BTRC: variants seen among roughly 807,000 people sequenced by gnomAD.
BTRC encodes beta-transducin repeat containing E3 ubiquitin protein ligase.
Under a neutral mutation model 85.5 loss-of-function variants are expected in BTRC, and 42 were observed. The observed-to-expected ratio is 0.49, with a 90% CI of 0.38 to 0.64. The LOEUF is 0.64. Ranked by LOEUF, BTRC falls within the 30% of genes least tolerant of loss-of-function variation. The pLI is 0.00. For missense variants in BTRC, 594 were observed against 743.5 expected (o/e 0.80, Z 2.34); for synonymous variants, 255 against 263.3 (o/e 0.97, Z 0.30).
chr10:101,461,048 AC>A (rs1307319561), intron 2 of BTRC, among the ~76,000 whole-genome samples: 1 of 151,784 alleles, frequency 6.6e-6, no homozygotes, highest in Admixed American at 6.6e-5. Context: ...GATTACAGGC[AC>A]CCACCACCAC....
intron 1 of BTRC, among the ~76,000 whole-genome samples, chr10:101,393,092 G>A (rs570033465): frequency 1.2e-4 from 19 of 152,124 alleles, no homozygotes; most frequent in African/African-American, 4.6e-4. Flanking sequence ...TCATACCCTC[G>A]TGGGAGGAAG....
intron 1 of BTRC, among the ~76,000 whole-genome samples, chr10:101,412,404 C>T (rs941143759): frequency 1.3e-4 from 20 of 152,072 alleles, no homozygotes; most frequent in Admixed American, 6.5e-5. Context: ...ATTTGTTTCC[C>T]GTCATTCAGG....
At chr10:101,451,750 G>T (rs1015272866) in intron 2 of BTRC, among the ~76,000 whole-genome samples, 2 of 152,070 alleles carry the variant, frequency 1.3e-5, no homozygotes, top group African/African-American at 4.8e-5. Flanking sequence ...CAGTGTCATC[G>T]TGCCTTTAAA....
At chr10:101,409,289 C>G (rs1943712522) in intron 1 of BTRC, among the ~76,000 whole-genome samples, 1 of 152,186 alleles carries the variant, frequency 6.6e-6, no homozygotes, top group African/African-American at 2.4e-5. Context: ...ATGAATTTAT[C>G]TATTCTGGAC....
intron 1 of BTRC, among the ~76,000 whole-genome samples, chr10:101,405,161 C>T (rs558760106): frequency 5.1e-4 from 77 of 152,132 alleles, no homozygotes; most frequent in African/African-American, 1.8e-3. Context: ...TTCCCTGGGG[C>T]CGCCTTTTTC....
chr10:101,379,442 A>C (rs934977221), intron 1 of BTRC, among the ~76,000 whole-genome samples: 1 of 152,156 alleles, frequency 6.6e-6, no homozygotes, highest in African/African-American at 2.4e-5. Flanking sequence ...TCTCATTTAG[A>C]CCTGTTCTTT....
chr10:101,532,797 T>TGCAC (rs1554895743), intron 8 of BTRC, among the ~76,000 whole-genome samples, 155 bp from the exon 9 acceptor site: 33 of 141,284 alleles, frequency 2.3e-4, no homozygotes, highest in South Asian at 4.4e-4. Flanking sequence ...TGTGCGCGTG[T>TGCAC]GCGCGCGCGC....
intron 1 of BTRC, 99 bp downstream of exon 1, chr10:101,354,327 C>G (rs1394684244): frequency 1.5e-6 from 2 of 1,341,628 alleles, no homozygotes; most frequent in Non-Finnish European, 2.0e-6. Flanking sequence ...GCAGCGGGAC[C>G]CTGGGCCGAG....
intron 4 of BTRC, among the ~76,000 whole-genome samples, chr10:101,494,549 A>G (rs1409509420): frequency 1.3e-5 from 2 of 152,194 alleles, no homozygotes; most frequent in Admixed American, 1.3e-4. Flanking sequence ...CTTCCCTAAA[A>G]TGAATTTACT....
intron 4 of BTRC, among the ~76,000 whole-genome samples, chr10:101,503,541 A>G (rs1946445574): frequency 1.3e-5 from 2 of 152,234 alleles, no homozygotes; most frequent in Non-Finnish European, 2.9e-5. Context: ...AAAGTATTCC[A>G]GAGAGAAATG....
chr10:101,388,601 C>T lies in BTRC; in HGVS notation c.48+34373C>T, dbSNP rs186515332. On this transcript the variant is annotated intron_variant, in intron 1 of 14. Transcript: ENST00000370187. ...ACCTCCTGGGTTCAAGTGATCCTCCCACCTCAGCTTCCCAAGTAGCTGGGA... is the reference window on the plus strand; with the variant it reads ...ACCTCCTGGGTTCAAGTGATCCTCCTACCTCAGCTTCCCAAGTAGCTGGGA... Among the ~76,000 whole-genome samples the T allele has an allele frequency of 2.9e-3, 442 of 152,218 alleles. 4 individuals carry two copies. The highest frequency in any genetic ancestry group is 0.021 in the Admixed American group (317 of 15,288).
chr10:101,401,757 G>C (rs960266419), intron 1 of BTRC, among the ~76,000 whole-genome samples: 1 of 151,000 alleles, frequency 6.6e-6, no homozygotes. Context: ...AGGATCTCTT[G>C]AGGCCAGGAG....
At chr10:101,531,123 A>T in intron 6 of BTRC, 114 bp from the exon 7 acceptor site, 1 of 808,048 alleles carries the variant, frequency 1.2e-6, no homozygotes, top group Non-Finnish European at 1.9e-6. Context: ...GTGAGCCAAC[A>T]TCACACTGCT....
At chr10:101,432,697 T>C (rs575529331) in intron 2 of BTRC, among the ~76,000 whole-genome samples, 10 of 152,172 alleles carry the variant, frequency 6.6e-5, no homozygotes, top group Non-Finnish European at 1.5e-4. Flanking sequence ...AAAACAATTA[T>C]ACTCACAGTT....
chr10:101,550,103 A>G (rs990870497), intron 13 of BTRC, among the ~76,000 whole-genome samples: 1 of 152,154 alleles, frequency 6.6e-6, no homozygotes, highest in Non-Finnish European at 1.5e-5. Context: ...CCAGGGAGGT[A>G]GTAAGGAATG....
intron 4 of BTRC, among the ~76,000 whole-genome samples, chr10:101,483,672 C>A (rs998319555): frequency 1.4e-4 from 21 of 152,030 alleles, no homozygotes; most frequent in Non-Finnish European, 2.6e-4. Flanking sequence ...CATTGAGATA[C>A]CTTTTTGTTT....
intron 2 of BTRC, among the ~76,000 whole-genome samples, chr10:101,442,388 C>T (rs1293200073): frequency 4.6e-5 from 7 of 150,990 alleles, no homozygotes; most frequent in Admixed American, 1.3e-4. Flanking sequence ...TACTGTGCTG[C>T]TATCTAATGG....
chr10:101,530,603 T>C (rs2062265495), intron 6 of BTRC, among the ~76,000 whole-genome samples: 2 of 152,196 alleles, frequency 1.3e-5, no homozygotes, highest in Admixed American at 1.3e-4. Context: ...GTAGTCTTAA[T>C]AGAGCAATAG....
chr10:101,425,312 T>G (rs1440285261), intron 1 of BTRC, among the ~76,000 whole-genome samples: 1 of 152,176 alleles, frequency 6.6e-6, no homozygotes, highest in Non-Finnish European at 1.5e-5. Flanking sequence ...TTCTGTGCTG[T>G]GTATGCTTTT....
Sources: allele counts gnomAD v4.1 joint callset (sites outside exome capture counted in the v4.1 genomes callset), GRCh38; gene constraint gnomAD v4.1.1; transcripts MANE v1.5; gene names NCBI Gene and HGNC (gene_info 2026-07-23, HGNC 2026-07-21).